RAB1A: variants seen among roughly 807,000 people sequenced by gnomAD.
The protein encoded by RAB1A is RAB1A, member RAS oncogene family.
Under a neutral mutation model 26.0 loss-of-function variants are expected in RAB1A, and 2 were observed. The observed-to-expected ratio is 0.08, with a 90% confidence interval of 0.03 to 0.24. The LOEUF is 0.24. RAB1A is among the 10% of genes least tolerant of loss of function. RAB1A has a pLI of 1.00. For missense variants in RAB1A, 100 were observed against 247.0 expected (o/e 0.40, Z 3.99); for synonymous variants, 84 against 84.9 (o/e 0.99, Z 0.06).
chr2:65,129,798 C>A, intron 1 of RAB1A, 95 bp downstream of exon 1: 4 of 1,537,076 alleles, frequency 2.6e-6, no homozygotes, highest in Non-Finnish European at 3.5e-6. Context: ...TCACCCCAGC[C>A]GATGCCCCGA....
intron 1 of RAB1A, among the ~76,000 whole-genome samples, chr2:65,128,917 T>G (rs558031807): frequency 4.6e-5 from 7 of 152,170 alleles, no homozygotes; most frequent in African/African-American, 1.7e-4. Flanking sequence ...CCAGGAAAGG[T>G]GCCAGGTGTG....
intron 1 of RAB1A, among the ~76,000 whole-genome samples, chr2:65,119,810 G>C (rs1438431259): frequency 9.1e-6 from 1 of 110,218 alleles, no homozygotes; most frequent in Non-Finnish European, 1.7e-5. Flanking sequence ...CCAGAGACAA[G>C]CCTGGGTAAC....
intron 1 of RAB1A, among the ~76,000 whole-genome samples, chr2:65,119,622 T>C (rs1669907991): frequency 6.8e-6 from 1 of 147,920 alleles, no homozygotes; most frequent in African/African-American, 2.5e-5. Flanking sequence ...ATGAATCAAA[T>C]CATATATAAA....
At chr2:65,101,574 C>T (rs1669427620) in intron 2 of RAB1A, among the ~76,000 whole-genome samples, 1 of 152,042 alleles carries the variant, frequency 6.6e-6, no homozygotes, top group Non-Finnish European at 1.5e-5. Flanking sequence ...GAGGCTACAG[C>T]TAGATTCTTC....
At chr2:65,119,841 C>CAAAAAAAAAA (rs1178958164) in intron 1 of RAB1A, among the ~76,000 whole-genome samples, 10 of 36,420 alleles carry the variant, frequency 2.7e-4, no homozygotes, top group African/African-American at 6.9e-4. Context: ...CCTGTCTCTA[C>CAAAAAAAAAA]AAAAAAAAAA....
chr2:65,122,154 T>TTAAAAA lies in RAB1A; in HGVS notation c.23+7738_23+7739insTTTTTA, dbSNP rs1558588148. On this transcript the variant is annotated intron_variant, in intron 1 of 5. Coordinates refer to ENST00000409784, the MANE Select transcript of RAB1A (RefSeq NM_004161.5). ...CTGGGTGACAGAGCAAGACTCTATCTCAAAAAAAAAAAAAAAAAAAAAAAA... is the reference window on the plus strand; with the variant it reads ...CTGGGTGACAGAGCAAGACTCTATCTTAAAAACAAAAAAAAAAAAAAAAAAAAAAAA... Among the ~76,000 whole-genome samples, 5 of 115,784 alleles carry TTAAAAA rather than the reference T, an allele frequency of 4.3e-5. 1 individual carries two copies. The highest frequency in any genetic ancestry group is 1.9e-4 in the African/African-American group (5 of 26,734). The allele number at this position is 115,784 out of a possible 152,430, so 76.0% of individuals were successfully genotyped here.
At chr2:65,122,927 C>A (rs1226616703) in intron 1 of RAB1A, among the ~76,000 whole-genome samples, 2 of 138,630 alleles carry the variant, frequency 1.4e-5, no homozygotes, top group African/African-American at 5.4e-5. Flanking sequence ...GCCCAGATCA[C>A]ACCACTGCAC....
At chr2:65,123,660 T>C (rs1306114827) in intron 1 of RAB1A, among the ~76,000 whole-genome samples, 2 of 151,862 alleles carry the variant, frequency 1.3e-5, no homozygotes, top group Non-Finnish European at 2.9e-5. Context: ...ACCCTGTCTC[T>C]ACTAAAACTA....
intron 1 of RAB1A, among the ~76,000 whole-genome samples, chr2:65,115,032 C>T (rs892984042): frequency 1.3e-5 from 2 of 152,286 alleles, no homozygotes; most frequent in East Asian, 1.9e-4. Context: ...TCTGTCTTGA[C>T]ATACTCACTT....
At chr2:65,101,089 T>C (rs930974276) in intron 2 of RAB1A, among the ~76,000 whole-genome samples, 3 of 150,798 alleles carry the variant, frequency 2.0e-5, no homozygotes, top group African/African-American at 4.9e-5. Flanking sequence ...GGAGTTATAG[T>C]GAGCTGAGAT....
chr2:65,112,557 T>A (rs1001107593), intron 1 of RAB1A, among the ~76,000 whole-genome samples: 1 of 152,198 alleles, frequency 6.6e-6, no homozygotes, highest in African/African-American at 2.4e-5. Flanking sequence ...GGTACAAGTA[T>A]TTCTATTAGT....
At chr2:65,107,676 T>G (rs903390279) in intron 1 of RAB1A, among the ~76,000 whole-genome samples, 2 of 152,116 alleles carry the variant, frequency 1.3e-5, no homozygotes, top group African/African-American at 4.8e-5. Flanking sequence ...CTGGACTCAA[T>G]GTACCAATCT....
chr2:65,119,629 T>A lies in RAB1A; in HGVS notation c.23+10264A>T, dbSNP rs11126030. Among the ~76,000 whole-genome samples the A allele has an allele frequency of 0.022, 3,354 of 149,926 alleles. 207 individuals are homozygous for A. The East Asian group carries it at 0.23, about 10-fold the overall frequency. ...CTATCAGAATGAATCAAATCATATA[T>A]AAACTAGCACCCAGAACCTGACCAA... On this transcript the variant is annotated intron_variant, in intron 1 of 5. Coordinates refer to ENST00000409784, the MANE Select transcript of RAB1A (RefSeq NM_004161.5).
intron 2 of RAB1A, 70 bp downstream of exon 2, chr2:65,104,659 AATTTT>A: frequency 8.9e-7 from 1 of 1,124,026 alleles, no homozygotes; most frequent in African/African-American, 1.6e-5. Flanking sequence ...AAAACTGTTT[AATTTT>A]ATCTACCTAG....
intron 1 of RAB1A, among the ~76,000 whole-genome samples, chr2:65,114,849 C>T (rs1669787784): frequency 1.2e-5 from 1 of 80,346 alleles, no homozygotes; most frequent in South Asian, 4.7e-4. Context: ...GAGACTCCGT[C>T]TCAAAAAAAA....
At position 65,104,749 on chromosome 2, in the gene RAB1A, A is replaced by G. The variant is rs1669513118; in HGVS notation, c.81T>C (p.Leu27=). ...TTCAACTTACTGCAAACCTAAGAAGAAGGCAAGACTTTCCAACCCCTGAGT... is the reference window on the plus strand; with the variant it reads ...TTCAACTTACTGCAAACCTAAGAAGGAGGCAAGACTTTCCAACCCCTGAGT... The part of the protein sequence containing the change: ...IGDSGVGKSC[L]LLRFADDTYT... The change falls in exon 2 of 6, where the codon CTT becomes CTC. Residue 27 remains leucine (L), a synonymous_variant. Coordinates refer to ENST00000409784, the MANE Select transcript of RAB1A (RefSeq NM_004161.5). The G allele has an allele frequency of 1.9e-6, 3 of 1,591,466 alleles. No homozygotes were observed. Among genetic ancestry groups the G allele is most frequent in the Non-Finnish European group, 1.7e-6 (2 of 1,166,068 alleles).
At chr2:65,129,011 C>G (rs1670169917) in intron 1 of RAB1A, among the ~76,000 whole-genome samples, 1 of 152,096 alleles carries the variant, frequency 6.6e-6, no homozygotes. Context: ...ACCTCATTCC[C>G]TATCTGCAAG....
chr2:65,121,974 C>T (rs564439930), intron 1 of RAB1A, among the ~76,000 whole-genome samples: 1 of 151,896 alleles, frequency 6.6e-6, no homozygotes, highest in African/African-American at 2.4e-5. Flanking sequence ...GCCTGGCCAA[C>T]ATGGTGAAAC....
At chr2:65,108,333 G>T (rs1461992186) in intron 1 of RAB1A, among the ~76,000 whole-genome samples, 1 of 136,416 alleles carries the variant, frequency 7.3e-6, no homozygotes, top group Non-Finnish European at 1.5e-5. Context: ...TCCAGCCTAG[G>T]CAACAAGAGC....
Sources: gnomAD v4.1 joint callset for allele counts (sites outside exome capture counted in the v4.1 genomes callset) on GRCh38, gnomAD v4.1.1 for gene constraint, MANE v1.5 for transcripts, NCBI Gene and HGNC (gene_info 2026-07-23, HGNC 2026-07-21) for gene names.